RGS7: variants seen among roughly 807,000 people sequenced by gnomAD.
RGS7 encodes the protein regulator of G protein signaling 7.
A neutral mutation model predicts 81.1 loss-of-function variants in RGS7; 27 were observed. The ratio of observed to expected loss-of-function variants is 0.33; its 90% CI spans 0.25 to 0.46. RGS7 has a LOEUF of 0.46. Ranked by LOEUF, RGS7 falls within the 20% of genes least tolerant of loss-of-function variation. The pLI is 1.00. For synonymous variants in RGS7, 208 were observed against 207.7 expected, an observed-to-expected ratio of 1.00 and a Z score of -0.01; for missense variants, 396 against 607.4, an observed-to-expected ratio of 0.65 and a Z score of 3.66.
intron 3 of RGS7, among the ~76,000 whole-genome samples, chr1:241,044,753 T>C (rs1361729583): frequency 6.6e-6 from 1 of 152,192 alleles, no homozygotes; most frequent in Non-Finnish European, 1.5e-5. Flanking sequence ...GTTGTTTTGA[T>C]ATTATCTTCA....
At chr1:240,879,614 C>T (rs1666048715) in intron 6 of RGS7, among the ~76,000 whole-genome samples, 1 of 152,138 alleles carries the variant, frequency 6.6e-6, no homozygotes, top group Non-Finnish European at 1.5e-5. Flanking sequence ...ACGTTTATAA[C>T]TGGAAAGTGA....
chr1:241,061,201 T>C (rs999918964), intron 3 of RGS7, among the ~76,000 whole-genome samples: 1 of 152,304 alleles, frequency 6.6e-6, no homozygotes, highest in East Asian at 1.9e-4. Flanking sequence ...TGACAATCTT[T>C]AGCAATTATA....
chr1:241,151,808 A>T (rs965272196), intron 2 of RGS7, among the ~76,000 whole-genome samples: 1 of 152,124 alleles, frequency 6.6e-6, no homozygotes, highest in Non-Finnish European at 1.5e-5. Flanking sequence ...AGCCAGGAAA[A>T]TATGAAGTAG....
intron 2 of RGS7, among the ~76,000 whole-genome samples, chr1:241,156,525 A>T (rs2069163728): frequency 6.7e-6 from 1 of 149,872 alleles, no homozygotes; most frequent in Non-Finnish European, 1.5e-5. Flanking sequence ...AAAAAAAAGA[A>T]AGATAGATGC....
In RGS7 at chr1:241,260,821, T is replaced by C. The variant is rs145608918; in HGVS notation, c.78+94878A>G. On this transcript the variant is annotated intron_variant, in intron 2 of 18. Transcript: ENST00000440928. Reference sequence around the variant, plus strand: ...TAAATCCTGGGAAGGTGCTAGCAGATATCTAAGGAGTTGGTTAAAACAGAC... The same window carrying C: ...TAAATCCTGGGAAGGTGCTAGCAGACATCTAAGGAGTTGGTTAAAACAGAC... Among the ~76,000 whole-genome samples the C allele has an allele frequency of 2.5e-3, 381 of 150,608 alleles. 4 individuals carry two copies. The highest frequency in any genetic ancestry group is 8.9e-3 in the African/African-American group (364 of 40,972).
intron 2 of RGS7, among the ~76,000 whole-genome samples, chr1:241,203,873 C>A (rs1331274931): frequency 6.6e-6 from 1 of 152,110 alleles, no homozygotes; most frequent in African/African-American, 2.4e-5. Flanking sequence ...ATTTTCATAT[C>A]TTTGTTATTG....
chr1:241,005,801 C>G lies in RGS7; in HGVS notation c.176-22672G>C, dbSNP rs189418256. Among the ~76,000 whole-genome samples, 224 of 152,270 alleles carry G rather than the reference C, an allele frequency of 1.5e-3. 1 individual carries two copies. Among genetic ancestry groups the G allele is most frequent in the Middle Eastern group, 3.4e-3 (1 of 294 alleles). On this transcript the variant is annotated intron_variant, in intron 3 of 18. Transcript: ENST00000440928. ...CCACCCGCCTTGGCCTCCCAAAGTG[C>G]TGAGATTACAGGCGTGAGCCACCGC...
intron 2 of RGS7, among the ~76,000 whole-genome samples, chr1:241,113,972 T>C (rs1374310172): frequency 6.6e-6 from 1 of 152,220 alleles, no homozygotes; most frequent in Non-Finnish European, 1.5e-5. Context: ...TGTTCTCTTT[T>C]ACTGAAAGTT....
chr1:240,996,530 G>A (rs1380860857), intron 3 of RGS7, among the ~76,000 whole-genome samples: 1 of 152,122 alleles, frequency 6.6e-6, no homozygotes, highest in Non-Finnish European at 1.5e-5. Context: ...GGAAAAATGA[G>A]CTCCTCATTA....
At chr1:241,346,838 C>A (rs2082925448) in intron 2 of RGS7, among the ~76,000 whole-genome samples, 1 of 152,054 alleles carries the variant, frequency 6.6e-6, no homozygotes, top group Admixed American at 6.6e-5. Flanking sequence ...AAACAAAATA[C>A]CAAATATAAA....
chr1:241,345,121 C>T (rs560611173), intron 2 of RGS7, among the ~76,000 whole-genome samples: 10 of 152,262 alleles, frequency 6.6e-5, no homozygotes, highest in South Asian at 4.1e-4. Flanking sequence ...ATCCTCAGCA[C>T]ACTAATGCAG....
chr1:241,062,741 T>C (rs2061810454), intron 3 of RGS7, among the ~76,000 whole-genome samples: 1 of 152,218 alleles, frequency 6.6e-6, no homozygotes, highest in Non-Finnish European at 1.5e-5. Context: ...AACCCACTTA[T>C]CCTGTGAGAT....
At chr1:241,177,847 A>C (rs1485326194) in intron 2 of RGS7, among the ~76,000 whole-genome samples, 2 of 151,426 alleles carry the variant, frequency 1.3e-5, no homozygotes, top group Non-Finnish European at 2.9e-5. Flanking sequence ...ACTGATTGGA[A>C]AGTGTCATTT....
At position 240,775,700 on chromosome 1, in the gene RGS7, TGA is replaced by T; in HGVS notation, c.*518_*519del. 39 of 167,342 alleles carry T rather than the reference TGA, an allele frequency of 2.3e-4. No homozygotes were observed. The highest frequency in any genetic ancestry group is 1.1e-3 in the East Asian group (7 of 6,492). 10.4% of individuals were successfully genotyped at this position (167,342 alleles called of 1,614,324 possible). A position where few individuals can be genotyped will look rare whatever the true frequency, so the allele number is the denominator to read the frequency against. On this transcript the variant is annotated 3_prime_UTR_variant, in exon 19 of 19. Coordinates refer to ENST00000440928, the MANE Select transcript of RGS7 (RefSeq NM_001364886.1). ...ACAGACGAAGACATGAGTTTGTTTC[TGA>T]CTGTGACACATTGGTGAAATGAAAC...
chr1:241,334,400 C>T (rs2082130771), intron 2 of RGS7, among the ~76,000 whole-genome samples: 1 of 152,114 alleles, frequency 6.6e-6, no homozygotes, highest in Admixed American at 6.5e-5. Flanking sequence ...CTGGGATTGG[C>T]TGGGTCATAA....
chr1:241,150,650 C>T (rs967683136), intron 2 of RGS7, among the ~76,000 whole-genome samples: 2 of 152,176 alleles, frequency 1.3e-5, no homozygotes, highest in African/African-American at 4.8e-5. Flanking sequence ...GGTTTGGAAA[C>T]TGTATTAGTC....
chr1:241,325,366 G>GC (rs1444431071), intron 2 of RGS7, among the ~76,000 whole-genome samples: 1 of 152,168 alleles, frequency 6.6e-6, no homozygotes, highest in Non-Finnish European at 1.5e-5. Flanking sequence ...GAACTCATAG[G>GC]CCAGGTACTA....
intron 2 of RGS7, among the ~76,000 whole-genome samples, chr1:241,233,147 T>A (rs534520702): frequency 1.3e-5 from 2 of 152,346 alleles, no homozygotes; most frequent in Non-Finnish European, 2.9e-5. Flanking sequence ...TAGATGTCCA[T>A]GTGATAATTT....
At chr1:240,874,838 C>T (rs1056458290) in intron 6 of RGS7, among the ~76,000 whole-genome samples, 23 of 152,126 alleles carry the variant, frequency 1.5e-4, no homozygotes, top group African/African-American at 4.8e-4. Context: ...CTCAGGAGCT[C>T]GAGACCAACC....
Sources: allele counts gnomAD v4.1 joint callset (sites outside exome capture counted in the v4.1 genomes callset), GRCh38; gene constraint gnomAD v4.1.1; transcripts MANE v1.5; gene names NCBI Gene and HGNC (gene_info 2026-07-23, HGNC 2026-07-21).